Variants in MAPRE2 observed in about 807,000 individuals in gnomAD.
The protein encoded by MAPRE2 is microtubule associated protein RP/EB family member 2, also known as microtubule-associated protein RP/EB family member 2.
MAPRE2 carries 13 observed loss-of-function variants against 43.2 expected under a neutral mutation model. The observed-to-expected ratio is 0.30, with a 90% CI of 0.20 to 0.48. The LOEUF (loss-of-function observed/expected upper bound fraction) is 0.48. Ranked by LOEUF, MAPRE2 falls within the 20% of genes least tolerant of loss-of-function variation. The probability of loss-of-function intolerance (pLI) is 0.99; values close to 1 mark genes in which losing one functional copy is unlikely to be tolerated. For missense variants in MAPRE2, 161 were observed against 400.2 expected (o/e 0.40, Z 5.10); for synonymous variants, 135 against 148.8 (o/e 0.91, Z 0.68).
intron 2 of MAPRE2, among the ~76,000 whole-genome samples, chr18:35,012,673 A>T (rs2097035541): frequency 1.3e-5 from 2 of 152,224 alleles, no homozygotes; most frequent in Non-Finnish European, 2.9e-5. Context: ...GATTCCACTT[A>T]TGTGAGCTAT....
At chr18:35,089,093 T>C (rs141064109) in intron 2 of MAPRE2, among the ~76,000 whole-genome samples, 39 of 152,280 alleles carry the variant, frequency 2.6e-4, no homozygotes, top group Non-Finnish European at 5.0e-4. Flanking sequence ...GCAGGAAGAA[T>C]TTTGCATTGC....
intron 1 of MAPRE2, among the ~76,000 whole-genome samples, chr18:34,998,633 T>C (rs976105415): frequency 6.6e-6 from 1 of 151,770 alleles, no homozygotes; most frequent in Non-Finnish European, 1.5e-5. Context: ...GGCCTAATTT[T>C]TTTATTTTTA....
chr18:35,122,811 G>T (rs896170119), intron 4 of MAPRE2, among the ~76,000 whole-genome samples: 4 of 152,238 alleles, frequency 2.6e-5, no homozygotes, highest in African/African-American at 9.6e-5. Context: ...CCTGACCTTT[G>T]CCTGATTCGT....
rs548607585 is a variant in MAPRE2, at chr18:34,996,905, A to G, written c.-69-8587A>G. On this transcript the variant is annotated intron_variant, in intron 1 of 7. Transcript: ENST00000413393. ...TGAGAAAAGCCTGTGATTTGGAATCACAAGACCAGTGTTTGGGTTTCAACT... is the reference window on the plus strand; with the variant it reads ...TGAGAAAAGCCTGTGATTTGGAATCGCAAGACCAGTGTTTGGGTTTCAACT... Among the ~76,000 whole-genome samples, 30 of 152,342 alleles carry G rather than the reference A, an allele frequency of 2.0e-4. 1 individual carries two copies. In the South Asian group the frequency reaches 6.0e-3, roughly 31 times the overall value.
chr18:35,081,026 G>A (rs1003157936), intron 2 of MAPRE2, among the ~76,000 whole-genome samples: 1 of 152,146 alleles, frequency 6.6e-6, no homozygotes, highest in African/African-American at 2.4e-5. Flanking sequence ...TGCATGAGGA[G>A]GATCGTTCTC....
chr18:35,119,017 TG>T (rs1351583914), intron 4 of MAPRE2, among the ~76,000 whole-genome samples: 1 of 152,196 alleles, frequency 6.6e-6, no homozygotes, highest in African/African-American at 2.4e-5. Flanking sequence ...GCAGGGAACC[TG>T]GAAGTTGTGA....
At chr18:35,126,030 G>T (rs1356522285) in intron 4 of MAPRE2, among the ~76,000 whole-genome samples, 2 of 152,164 alleles carry the variant, frequency 1.3e-5, no homozygotes, top group Non-Finnish European at 1.5e-5. Flanking sequence ...TACGGATGTT[G>T]CAAAATTGTG....
intron 1 of MAPRE2, among the ~76,000 whole-genome samples, chr18:35,063,731 C>T (rs140323248): frequency 1.3e-5 from 2 of 152,096 alleles, no homozygotes; most frequent in African/African-American, 2.4e-5. Flanking sequence ...CTGTGGCTCA[C>T]GCCTGTAATC....
intron 2 of MAPRE2, among the ~76,000 whole-genome samples, chr18:35,033,714 T>C (rs546564714): frequency 8.7e-5 from 13 of 150,226 alleles, no homozygotes; most frequent in Non-Finnish European, 1.6e-4. Context: ...TCTTATACAC[T>C]AATAACAGAC....
chr18:35,042,694 T>C (rs1002564194), intron 1 of MAPRE2, among the ~76,000 whole-genome samples: 1 of 152,216 alleles, frequency 6.6e-6, no homozygotes, highest in African/African-American at 2.4e-5. Context: ...TGATAAACGC[T>C]AACAATGCTT....
At chr18:35,041,349 G>C, upstream of MAPRE2, 2 of 1,439,528 alleles carry the variant, frequency 1.4e-6, no homozygotes, top group Non-Finnish European at 1.8e-6. Flanking sequence ...TGCTGCTGCC[G>C]GCGCTCTGAC....
rs147623986 is a variant in MAPRE2 at position 34,980,128 on chromosome 18, C to T, written c.-70+3049C>T. Among the ~76,000 whole-genome samples the T allele has an allele frequency of 4.3e-3, 628 of 147,742 alleles. 3 individuals carry two copies. Among genetic ancestry groups the T allele is most frequent in the African/African-American group, 0.014 (551 of 39,490 alleles). On this transcript the variant is annotated intron_variant, in intron 1 of 7. Transcript: ENST00000413393. ...TGCAACCTCCGCCTCCAAGTTCAAGCGATTCTCCTGCCTCAGCCTCCTGAG... is the reference window on the plus strand; with the variant it reads ...TGCAACCTCCGCCTCCAAGTTCAAGTGATTCTCCTGCCTCAGCCTCCTGAG...
intron 2 of MAPRE2, among the ~76,000 whole-genome samples, chr18:35,096,609 T>A (rs1453892962): frequency 6.6e-6 from 1 of 152,168 alleles, no homozygotes; most frequent in Non-Finnish European, 1.5e-5. Context: ...TTCTATAGCT[T>A]TCAGTATCCA....
intron 2 of MAPRE2, among the ~76,000 whole-genome samples, chr18:35,025,856 T>C (rs1046452697): frequency 2.0e-5 from 3 of 152,234 alleles, no homozygotes; most frequent in Non-Finnish European, 4.4e-5. Flanking sequence ...GAGGAAGCTT[T>C]GCTTATGCTG....
intron 4 of MAPRE2, among the ~76,000 whole-genome samples, chr18:35,110,457 G>C (rs1205096151): frequency 6.6e-6 from 1 of 152,058 alleles, no homozygotes; most frequent in Non-Finnish European, 1.5e-5. Flanking sequence ...ATTTCTATTA[G>C]ATGGTTATGC....
intron 4 of MAPRE2, among the ~76,000 whole-genome samples, chr18:35,106,450 C>G (rs1261271455): frequency 1.3e-5 from 2 of 151,912 alleles, no homozygotes; most frequent in African/African-American, 2.4e-5. Flanking sequence ...AAAAGTGATC[C>G]TGGAGTAGAT....
chr18:35,044,108 C>T (rs973712248), intron 1 of MAPRE2, among the ~76,000 whole-genome samples: 2 of 152,122 alleles, frequency 1.3e-5, no homozygotes, highest in African/African-American at 4.8e-5. Flanking sequence ...TGGGTGGAGT[C>T]CCTTATGGTG....
chr18:35,043,414 A>G (rs1905462623), intron 1 of MAPRE2, among the ~76,000 whole-genome samples: 1 of 152,148 alleles, frequency 6.6e-6, no homozygotes, highest in Non-Finnish European at 1.5e-5. Context: ...GGGTTTTATT[A>G]CTCATGTAAA....
At chr18:35,052,682 C>T (rs1324216645) in intron 1 of MAPRE2, among the ~76,000 whole-genome samples, 2 of 152,156 alleles carry the variant, frequency 1.3e-5, no homozygotes, top group Non-Finnish European at 2.9e-5. Flanking sequence ...CCTAGCAGCA[C>T]AGTATGAGAG....
Sources: allele counts gnomAD v4.1 joint callset (sites outside exome capture counted in the v4.1 genomes callset), GRCh38; gene constraint gnomAD v4.1.1; transcripts MANE v1.5; gene names NCBI Gene and HGNC (gene_info 2026-07-23, HGNC 2026-07-21).